Variants in PDLIM5 observed in about 807,000 individuals in gnomAD.
The protein encoded by PDLIM5 is PDZ and LIM domain protein 5.
A neutral mutation model predicts 64.2 loss-of-function variants in PDLIM5; 34 were observed. The observed-to-expected ratio is 0.53, with a 90% CI of 0.40 to 0.71. PDLIM5 has a LOEUF of 0.71. PDLIM5 is among the 30% of genes least tolerant of loss of function. PDLIM5 has a pLI of 0.00. For synonymous variants in PDLIM5, 253 were observed against 269.1 expected, an observed-to-expected ratio of 0.94 and a Z score of 0.59; for missense variants, 683 against 733.6, an observed-to-expected ratio of 0.93 and a Z score of 0.80.
intron 2 of PDLIM5, among the ~76,000 whole-genome samples, chr4:94,496,789 A>G (rs1727440037): frequency 6.6e-6 from 1 of 152,172 alleles, no homozygotes; most frequent in Non-Finnish European, 1.5e-5. Flanking sequence ...CACCCCGCCC[A>G]GCCCAGATGC....
In PDLIM5 at chr4:94,618,107, A is replaced by G; in HGVS notation, c.1024A>G (p.Ser342Gly). ...SPTSGRPGVT[S>G]LTAAAAFKPV... Reference sequence around the variant, plus strand: ...AACCTCTGGCAGACCAGGGGTTACCAGCCTCACAGCTGCAGCTGCCTTCAA... The same window carrying G: ...AACCTCTGGCAGACCAGGGGTTACCGGCCTCACAGCTGCAGCTGCCTTCAA... The change falls in exon 8 of 13, where the codon AGC (serine) becomes GGC (glycine). Residue 342 changes from serine to glycine, a missense_variant. Transcript: ENST00000317968. 1 of 1,612,304 alleles carries G rather than the reference A, an allele frequency of 6.2e-7. No individual in the cohort carries two copies. The highest frequency in any genetic ancestry group is 1.1e-5 in the South Asian group (1 of 90,650).
intron 5 of PDLIM5, among the ~76,000 whole-genome samples, chr4:94,580,519 A>G (rs1010625887): frequency 2.0e-5 from 3 of 152,102 alleles, no homozygotes; most frequent in African/African-American, 7.2e-5. Context: ...GACTTAGGCT[A>G]TTTACTAGAT....
chr4:94,561,766 A>C (rs1055863522), intron 3 of PDLIM5, among the ~76,000 whole-genome samples: 1 of 152,248 alleles, frequency 6.6e-6, no homozygotes, highest in Non-Finnish European at 1.5e-5. Flanking sequence ...AGAGATAGGC[A>C]TCAGTGTCTG....
At chr4:94,655,931 C>T (rs1255818318) in intron 10 of PDLIM5, among the ~76,000 whole-genome samples, 1 of 152,180 alleles carries the variant, frequency 6.6e-6, no homozygotes, top group East Asian at 1.9e-4. Flanking sequence ...ATTCAATATA[C>T]ATCTTCTACA....
chr4:94,569,896 T>C (rs948099788), intron 3 of PDLIM5, among the ~76,000 whole-genome samples: 5 of 152,082 alleles, frequency 3.3e-5, no homozygotes, highest in African/African-American at 1.2e-4. Context: ...AAATAACAAA[T>C]TGGGGTGATA....
intron 2 of PDLIM5, among the ~76,000 whole-genome samples, chr4:94,497,712 T>G (rs752270941): frequency 2.6e-5 from 4 of 152,192 alleles, no homozygotes; most frequent in Non-Finnish European, 5.9e-5. Flanking sequence ...TTTAAAAAAC[T>G]GAAATGTTTT....
rs1743116681 is a variant in PDLIM5, at chr4:94,667,125, A to G, written c.*3058A>G. The G allele has an allele frequency of 1.3e-5, 2 of 152,218 alleles. No homozygotes were observed. The highest frequency in any genetic ancestry group is 1.3e-4 in the Admixed American group (2 of 15,278). The allele number at this position is 152,218 out of a possible 1,614,324, so 9.4% of individuals were successfully genotyped here. On this transcript the variant is annotated 3_prime_UTR_variant, in exon 13 of 13. Transcript: ENST00000317968. ...CTAGATGTATATTTTGGAATGCTGT[A>G]CTTGGCATAACATAGATTAAAATCA... is the stretch of plus-strand genomic sequence containing the variant.
intron 8 of PDLIM5, among the ~76,000 whole-genome samples, 187 bp downstream of exon 8, chr4:94,618,378 G>A (rs78867907): frequency 0.023 from 3,554 of 152,272 alleles, 140 homozygotes; most frequent in African/African-American, 0.079. Flanking sequence ...TTCTTTGTGT[G>A]TATTTGATAC....
At chr4:94,600,580 A>G (rs566072172) in intron 7 of PDLIM5, among the ~76,000 whole-genome samples, 194 of 152,284 alleles carry the variant, frequency 1.3e-3, no homozygotes, top group African/African-American at 4.3e-3. Context: ...TCTTTTTCTA[A>G]TATTAGGATT....
At chr4:94,623,604 G>C (rs1378284261) in intron 8 of PDLIM5, among the ~76,000 whole-genome samples, 1 of 151,042 alleles carries the variant, frequency 6.6e-6, no homozygotes, top group African/African-American at 2.4e-5. Flanking sequence ...CAGGGACCAA[G>C]TCATACTGAT....
intron 3 of PDLIM5, 143 bp downstream of exon 3, chr4:94,524,018 G>A (rs887694175): frequency 8.7e-6 from 5 of 572,176 alleles, no homozygotes; most frequent in African/African-American, 7.5e-5. Context: ...CTCTTAAATT[G>A]GATAATTAAG....
chr4:94,459,456 A>C lies in PDLIM5; in HGVS notation c.96+4072A>C, dbSNP rs188160950. On this transcript the variant is annotated intron_variant, in intron 2 of 12. Coordinates refer to ENST00000317968, the MANE Select transcript of PDLIM5 (RefSeq NM_006457.5). ...CTAATTGGATTTGAAAAGCAGAAGAAACTTACTATTGCTTGGATTATGGAG... is the reference window on the plus strand; with the variant it reads ...CTAATTGGATTTGAAAAGCAGAAGACACTTACTATTGCTTGGATTATGGAG... Among the ~76,000 whole-genome samples the C allele has an allele frequency of 2.0e-3, 310 of 152,342 alleles. 3 individuals carry two copies. The highest frequency in any genetic ancestry group is 3.7e-3 in the Non-Finnish European group (253 of 68,030).
At chr4:94,657,925 C>T (rs1038563590) in intron 11 of PDLIM5, among the ~76,000 whole-genome samples, 7 of 152,068 alleles carry the variant, frequency 4.6e-5, no homozygotes, top group African/African-American at 7.2e-5. Context: ...CGGCTGGTCT[C>T]GAACTCCCGA....
intron 3 of PDLIM5, among the ~76,000 whole-genome samples, chr4:94,570,697 G>T (rs1223946922): frequency 6.6e-6 from 1 of 152,046 alleles, no homozygotes; most frequent in African/African-American, 2.4e-5. Flanking sequence ...TTTCCTTCTA[G>T]AGTTGCTTTG....
Position 94,654,630 on chromosome 4 carries a change from A to T in PDLIM5, c.1454A>T (p.Lys485Met). ...FAPECGRCQRKILGEVISALK... is the reference protein window; with the variant it reads ...FAPECGRCQRMILGEVISALK... The stretch of plus-strand genomic sequence containing the variant: ...CCTGAATGTGGTCGATGCCAAAGGA[A>T]GATCCTTGGAGTAAGTATTGGAAAC... Residue 485 changes from lysine to methionine, a missense_variant, in exon 10 of 13, where the codon AAG becomes ATG. Transcript: ENST00000317968. 6.2e-7 allele frequency: 1 copy of T among 1,601,886 alleles called. No homozygotes were observed. The highest frequency in any genetic ancestry group is 8.5e-7 in the Non-Finnish European group (1 of 1,170,144).
chr4:94,520,042 G>T lies in PDLIM5; in HGVS notation c.97-3682G>T, dbSNP rs182415545. Among the ~76,000 whole-genome samples, 571 of 152,256 alleles carry T rather than the reference G, an allele frequency of 3.8e-3. 2 individuals are homozygous for T. Among genetic ancestry groups the T allele is most frequent in the African/African-American group, 0.013 (542 of 41,562 alleles). ...GAAGTTAATGGGGAGGCTTGGTAAA[G>T]ATAACACTCTCTTCAGGAGCATACA... On this transcript the variant is annotated intron_variant, in intron 2 of 12. Transcript: ENST00000317968.
At chr4:94,516,560 G>T (rs1367101931) in intron 2 of PDLIM5, among the ~76,000 whole-genome samples, 1 of 151,812 alleles carries the variant, frequency 6.6e-6, no homozygotes, top group Non-Finnish European at 1.5e-5. Flanking sequence ...GGTCTCACTT[G>T]TTACCCAGGC....
At chr4:94,564,098 G>A (rs1181709661) in intron 3 of PDLIM5, among the ~76,000 whole-genome samples, 2 of 151,392 alleles carry the variant, frequency 1.3e-5, no homozygotes, top group African/African-American at 2.4e-5. Flanking sequence ...TGGGTAGCTG[G>A]GACTACAGGC....
rs757246202 is a variant in PDLIM5, at chr4:94,523,768, C to T, written c.141C>T (p.Gly47=). Residue 47 remains glycine, a synonymous_variant, in exon 3 of 13, where the codon GGC becomes GGT. Coordinates refer to ENST00000317968, the MANE Select transcript of PDLIM5 (RefSeq NM_006457.5). ...CAGCCCAGGCAAATGTAAGAATAGGCGATGTGGTTCTCAGCATTGATGGAA... is the reference window on the plus strand; with the variant it reads ...CAGCCCAGGCAAATGTAAGAATAGGTGATGTGGTTCTCAGCATTGATGGAA... ...GKAAQANVRI[G]DVVLSIDGIN... is the part of the protein sequence containing the mutation. 7.4e-6 allele frequency: 12 copies of T among 1,612,094 alleles called. No homozygotes were observed. Among genetic ancestry groups the T allele is most frequent in the East Asian group, 2.2e-5 (1 of 44,842 alleles).
Sources: allele counts gnomAD v4.1 joint callset (sites outside exome capture counted in the v4.1 genomes callset), GRCh38; gene constraint gnomAD v4.1.1; transcripts MANE v1.5; gene names NCBI Gene and HGNC (gene_info 2026-07-23, HGNC 2026-07-21).